The following PKP2 variants were observed in gnomAD, a reference collection of about 807,000 sequenced individuals.
PKP2 encodes plakophilin-2.
PKP2 carries 73 observed loss-of-function variants against 83.4 expected under a neutral mutation model. The observed-to-expected ratio is 0.88, with a 90% CI of 0.72 to 1.06. The LOEUF (loss-of-function observed/expected upper bound fraction) is 1.06. Among genes scored for constraint, PKP2 ranks in the 50% least tolerant of loss-of-function variants. The pLI is 0.00. For missense variants in PKP2, 966 were observed against 1,065.4 expected, an observed-to-expected ratio of 0.91 and a Z score of 1.30; for synonymous variants, 409 against 430.4, an observed-to-expected ratio of 0.95 and a Z score of 0.62.
intron 4 of PKP2, among the ~76,000 whole-genome samples, chr12:32,856,263 T>C (rs944766463): frequency 3.3e-5 from 5 of 152,126 alleles, no homozygotes; most frequent in African/African-American, 1.2e-4. Flanking sequence ...TCTTTTATCC[T>C]GCAGGCAATG....
chr12:32,855,829 C>T (rs1215708272), intron 4 of PKP2, among the ~76,000 whole-genome samples: 1 of 122,472 alleles, frequency 8.2e-6, no homozygotes, highest in Non-Finnish European at 1.7e-5. Flanking sequence ...TACTCATAAA[C>T]ACAGGCAAAA....
intron 6 of PKP2, among the ~76,000 whole-genome samples, chr12:32,826,023 G>T (rs1351017666): frequency 2.0e-5 from 3 of 152,180 alleles, no homozygotes; most frequent in African/African-American, 7.2e-5. Context: ...AACTAAAGGT[G>T]GCTGGGTGTG....
Position 32,792,411 on chromosome 12 carries a change from T to C in PKP2, c.*13A>G, listed in dbSNP as rs760070309. On this transcript the variant is annotated 3_prime_UTR_variant, in exon 13 of 13. Coordinates refer to ENST00000340811, the MANE Select transcript of PKP2 (RefSeq NM_001005242.3). Reference sequence around the variant, plus strand: ...TGGGGATTTTTGCAGCCGAGAATACTTTGTCATTTTCCTCAGTCTTTAAGG... The same window carrying C: ...TGGGGATTTTTGCAGCCGAGAATACCTTGTCATTTTCCTCAGTCTTTAAGG... The C allele has an allele frequency of 3.1e-6, 5 of 1,605,068 alleles. No individual in the cohort carries two copies. The highest frequency in any genetic ancestry group is 4.3e-6 in the Non-Finnish European group (5 of 1,171,690).
Position 32,838,474 on chromosome 12 carries a change from C to T in PKP2, c.1556+2554G>A, listed in dbSNP as rs142794726. On this transcript the variant is annotated intron_variant, in intron 6 of 12. Coordinates refer to ENST00000340811, the MANE Select transcript of PKP2 (RefSeq NM_001005242.3). ...AAACCTGTACATGTACTTCCTGAAT[C>T]GAAAATTAAAAAAAAAAAAAATTAA... 8.9e-3 allele frequency among the ~76,000 whole-genome samples: 1,091 copies of T among 122,420 alleles called. 8 individuals are homozygous for T. Among genetic ancestry groups the T allele is most frequent in the Admixed American group, 0.015 (192 of 12,636 alleles). The allele number at this position is 122,420 out of a possible 152,430, so 80.3% of individuals were successfully genotyped here.
intron 4 of PKP2, among the ~76,000 whole-genome samples, chr12:32,862,634 A>G (rs1257076288): frequency 6.6e-6 from 1 of 150,520 alleles, no homozygotes; most frequent in Admixed American, 6.6e-5. Flanking sequence ...AACAAGAGCG[A>G]AACTCCGTCT....
intron 10 of PKP2, 124 bp from the exon 11 acceptor site, chr12:32,796,422 G>A (rs531641846): frequency 1.1e-6 from 1 of 897,868 alleles, no homozygotes; most frequent in Admixed American, 2.2e-5. Flanking sequence ...TTGCTCTGTT[G>A]CCCAGGCTGG....
intron 11 of PKP2, chr12:32,793,020 G>T: frequency 2.5e-6 from 1 of 407,184 alleles, no homozygotes; most frequent in Non-Finnish European, 4.6e-6. Context: ...GGGAGGCTGA[G>T]GTGGGTAGAT....
intron 1 of PKP2, among the ~76,000 whole-genome samples, chr12:32,895,404 A>G (rs1212845618): frequency 6.6e-6 from 1 of 152,214 alleles, no homozygotes; most frequent in Non-Finnish European, 1.5e-5. Flanking sequence ...CTGGCCTGTT[A>G]GAATTTTTCT....
chr12:32,869,180 G>A (rs1171684222), intron 3 of PKP2, 118 bp from the exon 4 acceptor site: 16 of 1,226,568 alleles, frequency 1.3e-5, no homozygotes, highest in Non-Finnish European at 1.3e-5. Context: ...CTGAACCTTG[G>A]CTTTTCTTCA....
At chr12:32,795,466 T>G (rs1433362487) in intron 11 of PKP2, among the ~76,000 whole-genome samples, 1 of 151,872 alleles carries the variant, frequency 6.6e-6, no homozygotes, top group Non-Finnish European at 1.5e-5. Flanking sequence ...TTGCAACCTC[T>G]GCCTCCTGGG....
chr12:32,796,014 T>C, intron 11 of PKP2, 95 bp downstream of exon 11: 1 of 1,095,442 alleles, frequency 9.1e-7, no homozygotes, highest in Non-Finnish European at 1.4e-6. Context: ...ATGTTGCACA[T>C]GATGGTCATG....
intron 3 of PKP2, 119 bp from the exon 4 acceptor site, chr12:32,869,181 C>T (rs1956877303): frequency 1.4e-5 from 17 of 1,214,124 alleles, no homozygotes; most frequent in East Asian, 2.3e-5. Context: ...TGAACCTTGG[C>T]TTTTCTTCAG....
chr12:32,866,550 CAAAAAAAAAAAAAAAA>C (rs56079220), intron 4 of PKP2, among the ~76,000 whole-genome samples: 2 of 36,206 alleles, frequency 5.5e-5, no homozygotes, highest in Admixed American at 4.9e-4. Context: ...GATCCTTTCT[CAAAAAAAAAAAAAAAA>C]AAAAAAAAAA....
At chr12:32,858,085 ATATATAT>A (rs1224155916) in intron 4 of PKP2, among the ~76,000 whole-genome samples, 22 of 42,628 alleles carry the variant, frequency 5.2e-4, no homozygotes, top group African/African-American at 8.6e-4. Flanking sequence ...AAAAAAAAAA[ATATATAT>A]ATATATATAT....
In PKP2 at chr12:32,822,594, G is replaced by A. The variant is rs1060501186; in HGVS notation, c.1712C>T (p.Ser571Phe). ...TGGGAGCTCTGCCTCCAGCTGGTAGGAGAGGTTATGAAGAATGCACACACA... is the reference window on the plus strand; with the variant it reads ...TGGGAGCTCTGCCTCCAGCTGGTAGAAGAGGTTATGAAGAATGCACACACA... Reference protein sequence around the residue: ...ENCVCILHNLSYQLEAELPEK... With the variant: ...ENCVCILHNLFYQLEAELPEK... The change falls in exon 8 of 13, where the codon TCC becomes TTC. Residue 571 changes from serine to phenylalanine, a missense_variant. Coordinates refer to ENST00000340811, the MANE Select transcript of PKP2 (RefSeq NM_001005242.3). 6.2e-7 allele frequency: 1 copy of A among 1,614,108 alleles called. No individual in the cohort carries two copies. Among genetic ancestry groups the A allele is most frequent in the Non-Finnish European group, 8.5e-7 (1 of 1,179,992 alleles).
intron 4 of PKP2, among the ~76,000 whole-genome samples, chr12:32,852,817 C>T (rs1212939553): frequency 6.6e-6 from 1 of 152,088 alleles, no homozygotes; most frequent in Non-Finnish European, 1.5e-5. Flanking sequence ...GGCACGGTGG[C>T]TTATGCCTGT....
At chr12:32,800,942 A>C (rs1956172894) in intron 10 of PKP2, among the ~76,000 whole-genome samples, 1 of 152,218 alleles carries the variant, frequency 6.6e-6, no homozygotes, top group Non-Finnish European at 1.5e-5. Flanking sequence ...AGAACAGGGA[A>C]AGTTACCTGG....
rs1956068507 is a variant in PKP2 at position 32,791,712 on chromosome 12, A to G, written c.*712T>C. 1 of 152,186 alleles carries G rather than the reference A, an allele frequency of 6.6e-6. No individual in the cohort carries two copies. The highest frequency in any genetic ancestry group is 2.1e-4 in the South Asian group (1 of 4,822). The allele number at this position is 152,186 out of a possible 1,614,324, so 9.4% of individuals were successfully genotyped here. A position where few individuals can be genotyped will look rare whatever the true frequency, so the allele number is the denominator to read the frequency against. On this transcript the variant is annotated 3_prime_UTR_variant, in exon 13 of 13. Transcript: ENST00000340811. ...ACAGTTGCCTTTCTCTGTGGAAAAG[A>G]TTTTATTTATTTATTTATTTTTTAT...
chr12:32,871,347 G>C (rs945789777), intron 3 of PKP2, among the ~76,000 whole-genome samples: 11 of 152,066 alleles, frequency 7.2e-5, no homozygotes, highest in Admixed American at 7.2e-4. Context: ...AGGTGTGAGA[G>C]TGCAGTGATG....
Sources: gnomAD v4.1 joint callset for allele counts (sites outside exome capture counted in the v4.1 genomes callset) on GRCh38, gnomAD v4.1.1 for gene constraint, MANE v1.5 for transcripts, NCBI Gene and HGNC (gene_info 2026-07-23, HGNC 2026-07-21) for gene names.